Variants in CTNND2 observed in about 807,000 individuals in gnomAD.
The protein encoded by CTNND2 is catenin delta 2.
A neutral mutation model predicts 144.4 loss-of-function variants in CTNND2; 22 were observed. The observed-to-expected ratio is 0.15, with a 90% CI of 0.11 to 0.22. CTNND2 has a LOEUF of 0.22. CTNND2 is among the 10% of genes least tolerant of loss of function. CTNND2 has a pLI of 1.00. For synonymous variants in CTNND2, 751 were observed against 695.6 expected, an observed-to-expected ratio of 1.08 and a Z score of -1.25; for missense variants, 1,353 against 1,618.8, an observed-to-expected ratio of 0.84 and a Z score of 2.82.
chr5:11,879,342 T>TGTGTATATATATAC (rs1553988781), intron 1 of CTNND2, among the ~76,000 whole-genome samples: 1 of 125,862 alleles, frequency 7.9e-6, no homozygotes, highest in Non-Finnish European at 1.7e-5. Context: ...TAAATGTGTG[T>TGTGTATATATATAC]ATATATATAT....
At chr5:11,880,953 T>C (rs549434877) in intron 1 of CTNND2, among the ~76,000 whole-genome samples, 2 of 147,382 alleles carry the variant, frequency 1.4e-5, no homozygotes, top group Admixed American at 6.8e-5. Flanking sequence ...ATACTACTAC[T>C]ACTACCACTA....
intron 12 of CTNND2, among the ~76,000 whole-genome samples, chr5:11,122,656 A>G (rs187525134): frequency 1.2e-3 from 184 of 152,008 alleles, no homozygotes; most frequent in African/African-American, 4.3e-3. Flanking sequence ...CTTCCAATTT[A>G]TAACCATCAG....
At chr5:11,216,221 C>T (rs1168621969) in intron 10 of CTNND2, among the ~76,000 whole-genome samples, 2 of 151,872 alleles carry the variant, frequency 1.3e-5, no homozygotes, top group Non-Finnish European at 2.9e-5. Flanking sequence ...CAGAACAATG[C>T]CCCCCCACCG....
At chr5:11,170,612 C>CATG (rs1435338305) in intron 11 of CTNND2, among the ~76,000 whole-genome samples, 1 of 151,918 alleles carries the variant, frequency 6.6e-6, no homozygotes, top group Non-Finnish European at 1.5e-5. Context: ...ACAGCTACAA[C>CATG]CTTCTGTGGG....
intron 10 of CTNND2, among the ~76,000 whole-genome samples, chr5:11,219,914 C>T (rs955868333): frequency 5.9e-5 from 9 of 152,120 alleles, no homozygotes; most frequent in Non-Finnish European, 1.2e-4. Context: ...TAGAGTTGTT[C>T]TAGCCTGTGA....
At chr5:11,288,332 A>T (rs1004132417) in intron 9 of CTNND2, among the ~76,000 whole-genome samples, 4 of 148,984 alleles carry the variant, frequency 2.7e-5, no homozygotes, top group African/African-American at 9.8e-5. Context: ...GCCTTCAAGT[A>T]TTTTTTTTTT....
At chr5:11,609,356 A>G (rs73742880) in intron 2 of CTNND2, among the ~76,000 whole-genome samples, 5,405 of 152,208 alleles carry the variant, frequency 0.036, 297 homozygotes, top group African/African-American at 0.12. Context: ...TGAATTATGA[A>G]TAGTTGATCG....
At chr5:11,232,162 T>C (rs549212728) in intron 10 of CTNND2, among the ~76,000 whole-genome samples, 6 of 152,326 alleles carry the variant, frequency 3.9e-5, no homozygotes, top group Non-Finnish European at 5.9e-5. Context: ...GGAGCCCTCA[T>C]AGAGAACCTC....
At chr5:11,378,474 T>C (rs1166182108) in intron 7 of CTNND2, among the ~76,000 whole-genome samples, 2 of 152,178 alleles carry the variant, frequency 1.3e-5, no homozygotes, top group African/African-American at 4.8e-5. Flanking sequence ...ATATCACAGG[T>C]TGATCATATT....
chr5:11,402,681 C>T (rs1488976615), intron 5 of CTNND2, among the ~76,000 whole-genome samples: 1 of 152,158 alleles, frequency 6.6e-6, no homozygotes, highest in Admixed American at 6.5e-5. Context: ...AGTGGCTCAG[C>T]GCATCTACCA....
chr5:11,374,134 C>A (rs896800720), intron 7 of CTNND2, among the ~76,000 whole-genome samples: 1 of 152,116 alleles, frequency 6.6e-6, no homozygotes, highest in Non-Finnish European at 1.5e-5. Context: ...TGTAACCATA[C>A]CCTTCAAGTG....
chr5:11,336,721 T>C (rs143246489), intron 9 of CTNND2, among the ~76,000 whole-genome samples: 8 of 152,316 alleles, frequency 5.3e-5, no homozygotes, highest in Non-Finnish European at 1.2e-4. Flanking sequence ...ACATTATTTA[T>C]CATCTGTATG....
intron 2 of CTNND2, among the ~76,000 whole-genome samples, chr5:11,708,092 G>A (rs539613807): frequency 6.6e-6 from 1 of 151,380 alleles, no homozygotes; most frequent in South Asian, 2.1e-4. Context: ...TGTCACTCAG[G>A]TTGGAGTTCA....
intron 2 of CTNND2, among the ~76,000 whole-genome samples, chr5:11,622,161 T>A (rs2126429853): frequency 6.6e-6 from 1 of 152,242 alleles, no homozygotes; most frequent in African/African-American, 2.4e-5. Context: ...TTACCCAACA[T>A]AAATTTCTGG....
intron 3 of CTNND2, among the ~76,000 whole-genome samples, chr5:11,537,399 C>G (rs1774307076): frequency 6.6e-6 from 1 of 151,896 alleles, no homozygotes; most frequent in African/African-American, 2.4e-5. Context: ...TTATATAACT[C>G]CTTATACAAC....
intron 1 of CTNND2, among the ~76,000 whole-genome samples, chr5:11,776,801 T>C (rs1490581804): frequency 2.6e-5 from 4 of 152,240 alleles, no homozygotes; most frequent in Admixed American, 6.5e-5. Context: ...AGGCATAATG[T>C]TGATCACCAG....
intron 18 of CTNND2, among the ~76,000 whole-genome samples, chr5:10,997,903 G>T (rs1360145906): frequency 6.6e-6 from 1 of 152,194 alleles, no homozygotes; most frequent in Non-Finnish European, 1.5e-5. Context: ...ATGTGGCACA[G>T]CTGTAGGACT....
chr5:11,276,417 C>A (rs1360961900), intron 9 of CTNND2, among the ~76,000 whole-genome samples: 1 of 152,212 alleles, frequency 6.6e-6, no homozygotes, highest in Non-Finnish European at 1.5e-5. Flanking sequence ...TTTCCTCCTA[C>A]TTCCCAGGCC....
intron 16 of CTNND2, among the ~76,000 whole-genome samples, chr5:11,026,278 T>A (rs1742812700): frequency 6.6e-6 from 1 of 151,722 alleles, no homozygotes; most frequent in African/African-American, 2.4e-5. Flanking sequence ...ATGACCTGCT[T>A]AGGCCCTCAA....
Sources: allele counts gnomAD v4.1 joint callset (sites outside exome capture counted in the v4.1 genomes callset), GRCh38; gene constraint gnomAD v4.1.1; transcripts MANE v1.5; gene names NCBI Gene and HGNC (gene_info 2026-07-23, HGNC 2026-07-21).